C5orf34: variants seen among roughly 807,000 people sequenced by gnomAD.
The protein encoded by C5orf34 is chromosome 5 open reading frame 34.
A neutral mutation model predicts 78.4 loss-of-function variants in C5orf34; 73 were observed. The observed-to-expected ratio is 0.93, with a 90% CI of 0.77 to 1.13. C5orf34 has a LOEUF of 1.13. Among genes scored for constraint, C5orf34 ranks in the 50% most tolerant of loss-of-function variants. C5orf34 has a pLI of 0.00. For missense variants in C5orf34, 730 were observed against 732.7 expected, an observed-to-expected ratio of 1.00 and a Z score of 0.04; for synonymous variants, 251 against 246.6, an observed-to-expected ratio of 1.02 and a Z score of -0.17.
At chr5:43,505,699 G>C in intron 4 of C5orf34, 49 bp downstream of exon 4, 1 of 1,492,590 alleles carries the variant, frequency 6.7e-7, no homozygotes, top group Non-Finnish European at 8.9e-7. Flanking sequence ...TCCAGGTTAA[G>C]ACTGGTTCTG....
At chr5:43,495,364 C>T (rs538292870) in intron 6 of C5orf34, 46 of 1,611,812 alleles carry the variant, frequency 2.9e-5, no homozygotes, top group Admixed American at 1.0e-4. Context: ...CAATGTGAGC[C>T]GCGTGGCAAT....
Position 43,486,800 on chromosome 5 carries a change from C to T in C5orf34, c.*115G>A, listed in dbSNP as rs1745087324. ...CTTCAAAGTTAAATGTCAGTTCTTTCACAATCATTGTGCCGGGGTAATACG... is the reference window on the plus strand; with the variant it reads ...CTTCAAAGTTAAATGTCAGTTCTTTTACAATCATTGTGCCGGGGTAATACG... On this transcript the variant is annotated 3_prime_UTR_variant, in exon 13 of 13. Coordinates refer to ENST00000306862, the MANE Select transcript of C5orf34 (RefSeq NM_198566.4). 1.3e-5 allele frequency: 6 copies of T among 471,988 alleles called. No homozygotes were observed. In the East Asian group the frequency reaches 2.1e-4, roughly 17 times the overall value. 29.2% of individuals were successfully genotyped at this position (471,988 alleles called of 1,614,324 possible).
At chr5:43,508,514 A>G in intron 3 of C5orf34, 63 bp downstream of exon 3, 1 of 966,512 alleles carries the variant, frequency 1.0e-6, no homozygotes. Flanking sequence ...TAAATATTAA[A>G]TTACCTGTTT....
intron 6 of C5orf34, among the ~76,000 whole-genome samples, chr5:43,499,589 C>T (rs1391166168): frequency 6.6e-6 from 1 of 152,174 alleles, no homozygotes; most frequent in East Asian, 1.9e-4. Context: ...ACACTCTTTC[C>T]CAAACATAGC....
intron 7 of C5orf34, 29 bp from the exon 8 acceptor site, chr5:43,493,641 A>G: frequency 7.5e-7 from 1 of 1,339,060 alleles, no homozygotes. Flanking sequence ...CTACTTAAAC[A>G]TTTGCAAATG....
Position 43,502,380 on chromosome 5 carries a change from A to T in C5orf34, c.1144T>A (p.Ser382Thr). 1 of 1,612,012 alleles carries T rather than the reference A, an allele frequency of 6.2e-7. No individual in the cohort carries two copies. Among genetic ancestry groups the T allele is most frequent in the Non-Finnish European group, 8.5e-7 (1 of 1,179,150 alleles). ...YFTYYSIQEG[S>T]GKREEKTYSV... ...GTTCATTGTTGGCTTACCTTTCCTG[A>T]TCCTTCTTGAATAGAATAATAAGTA... is the stretch of plus-strand genomic sequence containing the variant. Residue 382 changes from serine to threonine, a missense_variant, in exon 6 of 13, where the codon TCA (serine) becomes ACA (threonine). Ser to Thr is a moderately conservative substitution (Grantham distance 58). Transcript: ENST00000306862.
chr5:43,500,262 C>T (rs1745702263), intron 6 of C5orf34, among the ~76,000 whole-genome samples: 1 of 152,078 alleles, frequency 6.6e-6, no homozygotes, highest in Admixed American at 6.5e-5. Context: ...TTTTCTATGG[C>T]TAAATCCATT....
Position 43,506,120 on chromosome 5 carries a change from G to A in C5orf34, c.560C>T (p.Pro187Leu). 6.2e-7 allele frequency: 1 copy of A among 1,614,104 alleles called. No individual in the cohort carries two copies. The highest frequency in any genetic ancestry group is 8.5e-7 in the Non-Finnish European group (1 of 1,180,026). The change falls in exon 4 of 13, where the codon CCA becomes CTA. Residue 187 changes from proline to leucine, a missense_variant. Pro to Leu is a moderately conservative substitution (Grantham distance 98, BLOSUM62 -3). Transcript: ENST00000306862. ...TGKICIRGNL[P>L]GQRLKNKENE... ...TTCTTTATTCTTCAGTCTCTGTCCT[G>A]GTAAATTTCCACGTATACAGATTTT...
intron 1 of C5orf34, among the ~76,000 whole-genome samples, chr5:43,510,008 C>T (rs1427942015): frequency 6.6e-6 from 1 of 152,136 alleles, no homozygotes; most frequent in Non-Finnish European, 1.5e-5. Flanking sequence ...CTGCCTCAGC[C>T]TCCCAAAGTG....
At chr5:43,506,579 T>C (rs560080562) in intron 3 of C5orf34, among the ~76,000 whole-genome samples, 185 bp from the exon 4 acceptor site, 1 of 152,304 alleles carries the variant, frequency 6.6e-6, no homozygotes, top group South Asian at 2.1e-4. Flanking sequence ...ATGTTTGATA[T>C]TGTTAAGATT....
In C5orf34 at chr5:43,505,840, A is replaced by C; in HGVS notation, c.840T>G (p.Phe280Leu). ...TTTCCTCTGAAATATCAGAAGTTAA[A>C]AATCTACTCTGAGTTATATGTGCAT... ...KIDAHITQSRFLTSDISEERG... is the reference protein window; with the variant it reads ...KIDAHITQSRLLTSDISEERG... Residue 280 changes from phenylalanine (F) to leucine (L), a missense_variant, in exon 4 of 13, where the codon TTT (phenylalanine) becomes TTG (leucine). Physicochemically the swap from Phe to Leu is conservative, Grantham distance 22 (BLOSUM62 0). Transcript: ENST00000306862. The C allele has an allele frequency of 1.2e-6, 2 of 1,613,332 alleles. No homozygotes were observed. The highest frequency in any genetic ancestry group is 1.7e-6 in the Non-Finnish European group (2 of 1,179,560).
intron 1 of C5orf34, among the ~76,000 whole-genome samples, chr5:43,512,794 TTTTTTTTG>T: frequency 1.3e-5 from 1 of 77,256 alleles, no homozygotes; most frequent in Admixed American, 1.6e-4. Flanking sequence ...TTTTTTTTTT[TTTTTTTTG>T]AGACAGAGTC....
intron 2 of C5orf34, 115 bp downstream of exon 2, chr5:43,509,030 A>T: frequency 2.7e-6 from 2 of 741,730 alleles, no homozygotes; most frequent in Non-Finnish European, 4.4e-6. Flanking sequence ...ACTTGAGCCT[A>T]GGTGTTCGAG....
chr5:43,508,971 G>A (rs764107518), intron 2 of C5orf34, among the ~76,000 whole-genome samples, 174 bp downstream of exon 2: 13 of 152,198 alleles, frequency 8.5e-5, no homozygotes, highest in Non-Finnish European at 1.8e-4. Context: ...GTGCACACCT[G>A]TAGTCCTAGA....
chr5:43,506,446 T>A, intron 3 of C5orf34, 52 bp from the exon 4 acceptor site: 1 of 1,488,708 alleles, frequency 6.7e-7, no homozygotes, highest in Non-Finnish European at 9.0e-7. Flanking sequence ...AACAGTCCAA[T>A]TTTTCCATAT....
At chr5:43,495,224 T>C (rs370042279) in intron 6 of C5orf34, 2 of 1,609,694 alleles carry the variant, frequency 1.2e-6, no homozygotes, top group African/African-American at 2.7e-5. Context: ...TGAGAAGCTC[T>C]CAACAATGGG....
At chr5:43,499,223 A>T (rs1384949930) in intron 6 of C5orf34, among the ~76,000 whole-genome samples, 2 of 152,200 alleles carry the variant, frequency 1.3e-5, no homozygotes, top group Non-Finnish European at 2.9e-5. Flanking sequence ...GAGTGACAAG[A>T]AGCCAGCCAT....
At chr5:43,503,079 GC>G (rs1033650572) in intron 5 of C5orf34, among the ~76,000 whole-genome samples, 7 of 152,160 alleles carry the variant, frequency 4.6e-5, no homozygotes, top group African/African-American at 4.8e-5. Context: ...GAAAAGGAGA[GC>G]CCCCTCGCTC....
At chr5:43,513,368 C>A (rs1746355853) in intron 1 of C5orf34, among the ~76,000 whole-genome samples, 1 of 152,170 alleles carries the variant, frequency 6.6e-6, no homozygotes, top group South Asian at 2.1e-4. Flanking sequence ...TCACTCCTAC[C>A]AAAAGCAGGC....
Sources: allele counts gnomAD v4.1 joint callset (sites outside exome capture counted in the v4.1 genomes callset), GRCh38; gene constraint gnomAD v4.1.1; transcripts MANE v1.5; gene names NCBI Gene and HGNC (gene_info 2026-07-23, HGNC 2026-07-21).